The following DPH3 variants were observed in gnomAD, a reference collection of about 807,000 sequenced individuals.
DPH3 encodes the protein diphthamide biosynthesis 3, also known as diphthamide biosynthesis protein 3.
DPH3 carries 8 observed loss-of-function variants against 10.2 expected under a neutral mutation model. The observed-to-expected ratio is 0.79, with a 90% CI of 0.46 to 1.42. The LOEUF (loss-of-function observed/expected upper bound fraction) is 1.42. Among genes scored for constraint, DPH3 ranks in the 40% most tolerant of loss-of-function variants. The pLI is 0.00. For synonymous variants in DPH3, 35 were observed against 35.6 expected, an observed-to-expected ratio of 0.98 and a Z score of 0.06; for missense variants, 96 against 98.9, an observed-to-expected ratio of 0.97 and a Z score of 0.12.
chr3:16,258,880 G>C lies in DPH3; in HGVS notation c.*1884C>G, dbSNP rs2064272626. Reference sequence around the variant, plus strand: ...TTTGATTTAGAAATAATTTGGTTTAGAAACAAAACCATTCCCATTATTGCA... The same window carrying C: ...TTTGATTTAGAAATAATTTGGTTTACAAACAAAACCATTCCCATTATTGCA... On this transcript the variant is annotated 3_prime_UTR_variant, in exon 3 of 3. Transcript: ENST00000488423. 1 of 152,202 alleles carries C rather than the reference G, an allele frequency of 6.6e-6. No homozygotes were observed. Among genetic ancestry groups the C allele is most frequent in the African/African-American group, 2.4e-5 (1 of 41,442 alleles). 9.4% of individuals were successfully genotyped at this position (152,202 alleles called of 1,614,324 possible). A position where few individuals can be genotyped will look rare whatever the true frequency, so the allele number is the denominator to read the frequency against.
rs145022705 is a variant in DPH3, at chr3:16,262,744, A to T, written c.183+1411T>A. ...AACTTGGATGACAGACCTCTCACTTAGTATGTACAATTTCAACCCCTATAC... is the reference window on the plus strand; with the variant it reads ...AACTTGGATGACAGACCTCTCACTTTGTATGTACAATTTCAACCCCTATAC... On this transcript the variant is annotated intron_variant, in intron 2 of 2. Transcript: ENST00000488423. This position sits in a 1 kb window ranked among gnomAD's most constrained non-coding sequence, Gnocchi z 4.7. Among the ~76,000 whole-genome samples, 5 of 152,282 alleles carry T rather than the reference A, an allele frequency of 3.3e-5. No individual in the cohort carries two copies. The East Asian group carries it at 9.7e-4, about 29-fold the overall frequency.
In DPH3 at chr3:16,263,873, T is replaced by C. The variant is rs200862193; in HGVS notation, c.183+282A>G. On this transcript the variant is annotated intron_variant, in intron 2 of 2. Transcript: ENST00000488423. The surrounding 1 kb of genome is among the most constrained non-coding windows in gnomAD (Gnocchi z 4.0). Reference sequence around the variant, plus strand: ...TTAAATAGAAGAGAAATATAAAAAATTGTCCACTAAAATAATCTATATACT... The same window carrying C: ...TTAAATAGAAGAGAAATATAAAAAACTGTCCACTAAAATAATCTATATACT... Among the ~76,000 whole-genome samples the C allele has an allele frequency of 5.3e-5, 8 of 152,276 alleles. No individual in the cohort carries two copies. In the East Asian group the frequency reaches 1.5e-3, roughly 29 times the overall value.
rs570258789 is a variant in DPH3, at chr3:16,258,110, A to G, written c.*2654T>C. ...TTTCTGAATGTGCACACTAGAATAT[A>G]TGCAGAATCCTTTAAACAGTCGACT... On this transcript the variant is annotated 3_prime_UTR_variant, in exon 3 of 3. Transcript: ENST00000488423. 7.1e-4 allele frequency: 108 copies of G among 152,388 alleles called. No individual in the cohort carries two copies. The highest frequency in any genetic ancestry group is 2.3e-3 in the African/African-American group (97 of 41,598). 9.4% of individuals were successfully genotyped at this position (152,388 alleles called of 1,614,324 possible).
chr3:16,264,344 TG>T, intron 1 of DPH3, 115 bp from the exon 2 acceptor site: 2 of 739,712 alleles, frequency 2.7e-6, no homozygotes, highest in East Asian at 2.9e-5. Context: ...CCCCCCAAGG[TG>T]GGTGAGAACC....
chr3:16,259,221 A>G lies in DPH3; in HGVS notation c.*1543T>C, dbSNP rs1210446364. 1.3e-5 allele frequency: 2 copies of G among 152,256 alleles called. No individual in the cohort carries two copies. Among genetic ancestry groups the G allele is most frequent in the African/African-American group, 4.8e-5 (2 of 41,474 alleles). The allele number at this position is 152,256 out of a possible 1,614,324, so 9.4% of individuals were successfully genotyped here. A position where few individuals can be genotyped will look rare whatever the true frequency, so the allele number is the denominator to read the frequency against. On this transcript the variant is annotated 3_prime_UTR_variant, in exon 3 of 3. Coordinates refer to ENST00000488423, the MANE Select transcript of DPH3 (RefSeq NM_206831.3). ...AGTTGTGGATTACTTCTGGGATGTC[A>G]GTGTCCCAAATGGCAATGAGATTTC...
chr3:16,264,640 G>C (rs1040438686), intron 1 of DPH3, 129 bp downstream of exon 1: 17 of 894,478 alleles, frequency 1.9e-5, no homozygotes, highest in Non-Finnish European at 2.6e-5. Flanking sequence ...CGCGGGAGGA[G>C]GAAGATTCAG....
At position 16,264,756 on chromosome 3, in the gene DPH3, A is replaced by AC. The variant is rs1405416756; in HGVS notation, c.108+12dup. ...TTGCTTGGGTGAACCGCCGGGCGGGACCCTGAAGTTACCTTGGTGATGGAG... is the reference window on the plus strand; with the variant it reads ...TTGCTTGGGTGAACCGCCGGGCGGGACCCCTGAAGTTACCTTGGTGATGGAG... On this transcript the variant is annotated intron_variant, in intron 1 of 2. Transcript: ENST00000488423. The AC allele has an allele frequency of 6.2e-7, 1 of 1,613,390 alleles. No homozygotes were observed.
chr3:16,264,200 T>C lies in DPH3; in HGVS notation c.138A>G (p.Ala46=). Residue 46 remains alanine, a synonymous_variant, in exon 2 of 3, where the codon GCA becomes GCG. Coordinates refer to ENST00000488423, the MANE Select transcript of DPH3 (RefSeq NM_206831.3). ...TAATGAGAGAGCAGCTAGGACACGT[T>C]GCCACGTCTTCCCCATTCTCCAAAT... ...KEDLENGEDV[A]TCPSCSLIIK... 1 of 1,611,506 alleles carries C rather than the reference T, an allele frequency of 6.2e-7. No homozygotes were observed. Among genetic ancestry groups the C allele is most frequent in the Non-Finnish European group, 8.5e-7 (1 of 1,178,210 alleles).
At chr3:16,264,275 C>A (rs1316026540) in intron 1 of DPH3, 46 bp from the exon 2 acceptor site, 5 of 1,485,300 alleles carry the variant, frequency 3.4e-6, no homozygotes, top group Non-Finnish European at 4.6e-6. Context: ...CTTCTCTTCG[C>A]CATCTCCTCC....
rs1393968794 is a variant in DPH3, at chr3:16,262,692, C to T, written c.183+1463G>A. On this transcript the variant is annotated intron_variant, in intron 2 of 2. Transcript: ENST00000488423. The surrounding 1 kb of genome is among the most constrained non-coding windows in gnomAD (Gnocchi z 4.7). Reference sequence around the variant, plus strand: ...ATCTCTCTCATGAACGCCAGACATGCATATCCAATTGCCTTCTCAACAGCT... The same window carrying T: ...ATCTCTCTCATGAACGCCAGACATGTATATCCAATTGCCTTCTCAACAGCT... 5.3e-5 allele frequency among the ~76,000 whole-genome samples: 8 copies of T among 152,202 alleles called. No individual in the cohort carries two copies. Among genetic ancestry groups the T allele is most frequent in the Admixed American group, 5.2e-4 (8 of 15,280 alleles).
chr3:16,264,341 A>C, intron 1 of DPH3, 112 bp from the exon 2 acceptor site: 1 of 758,574 alleles, frequency 1.3e-6, no homozygotes, highest in Non-Finnish European at 2.1e-6. Flanking sequence ...CTTCCCCCCA[A>C]GGTGGGTGAG....
Position 16,261,884 on chromosome 3 carries a change from A to G in DPH3, c.184-1055T>C, listed in dbSNP as rs1025864450. Among the ~76,000 whole-genome samples, 1 of 151,952 alleles carries G rather than the reference A, an allele frequency of 6.6e-6. No homozygotes were observed. Among genetic ancestry groups the G allele is most frequent in the Non-Finnish European group, 1.5e-5 (1 of 67,974 alleles). ...TATGTCTTGAGACTACCGCCTTGCT[A>G]TTCTTCTCTGTTGCTGTCATTTATC... On this transcript the variant is annotated intron_variant, in intron 2 of 2. Transcript: ENST00000488423. The surrounding 1 kb of genome is among the most constrained non-coding windows in gnomAD (Gnocchi z 7.1).
rs1206670347 is a variant in DPH3, at chr3:16,260,743, T to C, written c.*21A>G. 1 of 1,606,548 alleles carries C rather than the reference T, an allele frequency of 6.2e-7. No individual in the cohort carries two copies. Among genetic ancestry groups the C allele is most frequent in the African/African-American group, 1.3e-5 (1 of 74,776 alleles). On this transcript the variant is annotated 3_prime_UTR_variant, in exon 3 of 3. Transcript: ENST00000488423. ...CTGGGCTCATTCCAAATGTTCAGGA[T>C]TTGGATTCCTGAAGGCTTCTTCAGC...
chr3:16,260,547 G>C lies in DPH3; in HGVS notation c.*217C>G. 1 of 471,776 alleles carries C rather than the reference G, an allele frequency of 2.1e-6. No homozygotes were observed. Among genetic ancestry groups the C allele is most frequent in the South Asian group, 5.5e-5 (1 of 18,174 alleles). 29.2% of individuals were successfully genotyped at this position (471,776 alleles called of 1,614,324 possible). On this transcript the variant is annotated 3_prime_UTR_variant, in exon 3 of 3. Transcript: ENST00000488423. ...CTTTTAAATTTAGATGCATAATTAA[G>C]AATGCTTCCAATTTAAGGTTCTAAG...
chr3:16,264,547 C>G, intron 1 of DPH3: 1 of 591,248 alleles, frequency 1.7e-6, no homozygotes, highest in Non-Finnish European at 3.0e-6. Context: ...CAGAGGCTCT[C>G]CGCCACCCTC....
chr3:16,262,467 T>C lies in DPH3; in HGVS notation c.184-1638A>G, dbSNP rs1416199008. ...CAGGATTTGACACTGCTGATTTTCC[T>C]CCTTTCTCAGTGGTTTCTCCTTTAC... On this transcript the variant is annotated intron_variant, in intron 2 of 2. Transcript: ENST00000488423. The surrounding 1 kb of genome is among the most constrained non-coding windows in gnomAD (Gnocchi z 4.7). Among the ~76,000 whole-genome samples the C allele has an allele frequency of 6.6e-6, 1 of 152,224 alleles. No individual in the cohort carries two copies. The highest frequency in any genetic ancestry group is 1.9e-4 in the East Asian group (1 of 5,196).
chr3:16,259,855 G>A lies in DPH3; in HGVS notation c.*909C>T, dbSNP rs1030071447. 3 of 152,194 alleles carry A rather than the reference G, an allele frequency of 2.0e-5. No individual in the cohort carries two copies. Among genetic ancestry groups the A allele is most frequent in the South Asian group, 2.1e-4 (1 of 4,828 alleles). The allele number at this position is 152,194 out of a possible 1,614,324, so 9.4% of individuals were successfully genotyped here. A position where few individuals can be genotyped will look rare whatever the true frequency, so the allele number is the denominator to read the frequency against. On this transcript the variant is annotated 3_prime_UTR_variant, in exon 3 of 3. Coordinates refer to ENST00000488423, the MANE Select transcript of DPH3 (RefSeq NM_206831.3). Reference sequence around the variant, plus strand: ...CAGCTACCAGCCATGGAAATTTGACGTTAACCCCTACCTGGAATGCAATTT... The same window carrying A: ...CAGCTACCAGCCATGGAAATTTGACATTAACCCCTACCTGGAATGCAATTT...
chr3:16,263,476 T>C lies in DPH3; in HGVS notation c.183+679A>G, dbSNP rs1430935250. ...ATTTTAATACAAGAATGAATCATTA[T>C]ATTTCTAAATTATAGTCTAAATTAT... On this transcript the variant is annotated intron_variant, in intron 2 of 2. Transcript: ENST00000488423. The surrounding 1 kb of genome is among the most constrained non-coding windows in gnomAD (Gnocchi z 4.0). Among the ~76,000 whole-genome samples, 1 of 152,248 alleles carries C rather than the reference T, an allele frequency of 6.6e-6. No homozygotes were observed. Among genetic ancestry groups the C allele is most frequent in the Non-Finnish European group, 1.5e-5 (1 of 68,038 alleles).
At position 16,262,318 on chromosome 3, in the gene DPH3, C is replaced by T. The variant is rs775490190; in HGVS notation, c.184-1489G>A. Reference sequence around the variant, plus strand: ...CGCTGTTCCTGTTACTCCATGGAAACTGCTCTCATCTCCGTCACAGATGAA... The same window carrying T: ...CGCTGTTCCTGTTACTCCATGGAAATTGCTCTCATCTCCGTCACAGATGAA... On this transcript the variant is annotated intron_variant, in intron 2 of 2. Coordinates refer to ENST00000488423, the MANE Select transcript of DPH3 (RefSeq NM_206831.3). This position sits in a 1 kb window ranked among gnomAD's most constrained non-coding sequence, Gnocchi z 4.7. Among the ~76,000 whole-genome samples the T allele has an allele frequency of 6.6e-5, 10 of 152,214 alleles. No homozygotes were observed. The highest frequency in any genetic ancestry group is 1.5e-4 in the Non-Finnish European group (10 of 68,038).
Sources: gnomAD v4.1 joint callset for allele counts (sites outside exome capture counted in the v4.1 genomes callset) on GRCh38, gnomAD v4.1.1 for gene constraint, Gnocchi (gnomAD v3.1) non-coding constraint, MANE v1.5 for transcripts, NCBI Gene and HGNC (gene_info 2026-07-23, HGNC 2026-07-21) for gene names.